Variants in TRIM24 observed in about 807,000 individuals in gnomAD.
TRIM24 encodes transcription intermediary factor 1-alpha.
Under a neutral mutation model 123.9 loss-of-function variants are expected in TRIM24, and 29 were observed. The ratio of observed to expected loss-of-function variants is 0.23; its 90% CI spans 0.17 to 0.32. The LOEUF is 0.32. Among genes scored for constraint, TRIM24 ranks in the 10% least tolerant of loss-of-function variants. The pLI is 1.00. For synonymous variants in TRIM24, 456 were observed against 461.1 expected, an observed-to-expected ratio of 0.99 and a Z score of 0.14; for missense variants, 932 against 1,295.3, an observed-to-expected ratio of 0.72 and a Z score of 4.31.
chr7:138,470,932 C>T (rs557056732), intron 1 of TRIM24, among the ~76,000 whole-genome samples: 1 of 152,234 alleles, frequency 6.6e-6, no homozygotes, highest in East Asian at 1.9e-4. Context: ...TCTTAGAAGT[C>T]TTATTTTCAG....
intron 2 of TRIM24, among the ~76,000 whole-genome samples, chr7:138,514,998 T>G (rs555049882): frequency 6.6e-6 from 1 of 152,314 alleles, no homozygotes; most frequent in Admixed American, 6.5e-5. Context: ...GATGCTGAAT[T>G]AAGGAGAAAA....
rs1210791484 is a variant in TRIM24, at chr7:138,568,006, CAAG to C, written c.1704+357_1704+359del. On this transcript the variant is annotated intron_variant, in intron 10 of 18. Coordinates refer to ENST00000343526, the MANE Select transcript of TRIM24 (RefSeq NM_015905.3). ...CAATAAATGAATCTTTGAAGCGTCT[CAAG>C]AAGATTTCTTGGAAACAAAATTATG... Among the ~76,000 whole-genome samples the C allele has an allele frequency of 1.1e-4, 16 of 152,208 alleles. No individual in the cohort carries two copies. In the East Asian group the frequency reaches 2.7e-3, roughly 26 times the overall value.
intron 16 of TRIM24, among the ~76,000 whole-genome samples, chr7:138,581,193 G>A (rs141685526): frequency 0.011 from 1,605 of 152,282 alleles, 14 homozygotes; most frequent in Non-Finnish European, 0.015. Context: ...TTATTAAGTA[G>A]AACAGTCAAT....
chr7:138,547,177 C>CTTA (rs1554441729), intron 7 of TRIM24, among the ~76,000 whole-genome samples: 1 of 152,084 alleles, frequency 6.6e-6, no homozygotes, highest in Non-Finnish European at 1.5e-5. Context: ...CATGATCTCA[C>CTTA]TTATACGTGG....
intron 1 of TRIM24, among the ~76,000 whole-genome samples, chr7:138,494,082 A>C (rs1461128323): frequency 6.6e-6 from 1 of 151,920 alleles, no homozygotes; most frequent in African/African-American, 2.4e-5. Context: ...CCTGGGTTCA[A>C]GTGATTATCT....
chr7:138,563,761 C>T (rs1797475919), intron 9 of TRIM24, among the ~76,000 whole-genome samples: 1 of 152,226 alleles, frequency 6.6e-6, no homozygotes, highest in South Asian at 2.1e-4. Flanking sequence ...GGCTAGGGCT[C>T]TCATCAGCTC....
At chr7:138,501,816 A>G (rs912389151) in intron 1 of TRIM24, among the ~76,000 whole-genome samples, 10 of 151,672 alleles carry the variant, frequency 6.6e-5, no homozygotes, top group African/African-American at 2.4e-4. Context: ...TGAACCAGGG[A>G]GGCAGAGGTT....
chr7:138,499,119 A>G (rs923668200), intron 1 of TRIM24, among the ~76,000 whole-genome samples: 18 of 151,746 alleles, frequency 1.2e-4, no homozygotes, highest in African/African-American at 4.1e-4. Context: ...CAATTTCTAC[A>G]TTATATTTTC....
chr7:138,507,946 AT>A (rs899558448), intron 2 of TRIM24, among the ~76,000 whole-genome samples: 79 of 151,372 alleles, frequency 5.2e-4, no homozygotes, highest in Middle Eastern at 6.8e-3. Flanking sequence ...AAAAAAAAAA[AT>A]TTTTTTTTAA....
rs1360244617 is a variant in TRIM24, at chr7:138,504,762, T to C, written c.483+354T>C. On this transcript the variant is annotated intron_variant, in intron 2 of 18. Coordinates refer to ENST00000343526, the MANE Select transcript of TRIM24 (RefSeq NM_015905.3). Reference sequence around the variant, plus strand: ...GGCGTGAGCCACCGCACCTGGCCTCTTTTTTTTTTTTTAATTGAGATGGAG... The same window carrying C: ...GGCGTGAGCCACCGCACCTGGCCTCCTTTTTTTTTTTTAATTGAGATGGAG... 2.3e-5 allele frequency among the ~76,000 whole-genome samples: 3 copies of C among 129,184 alleles called. No homozygotes were observed. In the East Asian group the frequency reaches 6.2e-4, roughly 27 times the overall value. 84.7% of individuals were successfully genotyped at this position (129,184 alleles called of 152,430 possible).
intron 2 of TRIM24, among the ~76,000 whole-genome samples, chr7:138,511,162 C>T (rs1488152236): frequency 1.3e-5 from 2 of 152,198 alleles, no homozygotes; most frequent in African/African-American, 4.8e-5. Flanking sequence ...AAGCCTGATG[C>T]TGGCATCTGC....
intron 14 of TRIM24, 49 bp from the exon 15 acceptor site, chr7:138,579,155 G>T: frequency 6.8e-7 from 1 of 1,476,722 alleles, no homozygotes; most frequent in Non-Finnish European, 9.1e-7. Context: ...TTGCATTAGT[G>T]ATAAAATTTT....
In TRIM24 at chr7:138,567,557, A is replaced by G; in HGVS notation, c.1607A>G (p.Gln536Arg). 1 of 1,614,048 alleles carries G rather than the reference A, an allele frequency of 6.2e-7. No individual in the cohort carries two copies. Among genetic ancestry groups the G allele is most frequent in the Non-Finnish European group, 8.5e-7 (1 of 1,179,956 alleles). The change falls in exon 10 of 19, where the codon CAA becomes CGA. Residue 536 changes from glutamine to arginine, a missense_variant. Physicochemically the swap from Gln to Arg is conservative, Grantham distance 43 (BLOSUM62 1). Transcript: ENST00000343526. ...PNGPVLPPHP[Q>R]QLRYPPNQNI... is the part of the protein sequence containing the mutation. ...GGACCAGTTCTTCCTCCTCATCCTC[A>G]ACAACTGAGATATCCACCAAACCAG...
In TRIM24 at chr7:138,579,310, A is replaced by T. The variant is rs759703559; in HGVS notation, c.2363A>T (p.Asp788Val). 2.0e-5 allele frequency: 32 copies of T among 1,614,052 alleles called. No individual in the cohort carries two copies. Among genetic ancestry groups the T allele is most frequent in the Non-Finnish European group, 2.6e-5 (31 of 1,180,014 alleles). The change falls in exon 15 of 19, where the codon GAT becomes GTT. Residue 788 changes from aspartate (D) to valine (V), a missense_variant. By Grantham distance (152) the Asp-to-Val change is radical. Transcript: ENST00000343526. ...LRSDAPDSTG[D>V]QPGLHQDNSS... ...TCAGATGCCCCTGATAGTACAGGAG[A>T]TCAACCTGGACTTCACCAGGACAAT... is the stretch of plus-strand genomic sequence containing the variant.
Position 138,460,373 on chromosome 7 carries a change from G to T in TRIM24, c.-176G>T. 2 of 561,532 alleles carry T rather than the reference G, an allele frequency of 3.6e-6. No homozygotes were observed. The highest frequency in any genetic ancestry group is 5.3e-6 in the Non-Finnish European group (2 of 375,936). The allele number at this position is 561,532 out of a possible 1,614,324, so 34.8% of individuals were successfully genotyped here. Reference sequence around the variant, plus strand: ...TTCCGGCCGCGCCACTCGGGAGGCGGATCCCGTGGGCCTGAGGAGGCTTCC... The same window carrying T: ...TTCCGGCCGCGCCACTCGGGAGGCGTATCCCGTGGGCCTGAGGAGGCTTCC... On this transcript the variant is annotated 5_prime_UTR_variant, in exon 1 of 19. Coordinates refer to ENST00000343526, the MANE Select transcript of TRIM24 (RefSeq NM_015905.3).
At chr7:138,498,143 C>G (rs1033323085) in intron 1 of TRIM24, among the ~76,000 whole-genome samples, 2 of 152,176 alleles carry the variant, frequency 1.3e-5, no homozygotes, top group Non-Finnish European at 2.9e-5. Flanking sequence ...ACTTCAGCCT[C>G]TTGATCCTGT....
At chr7:138,467,649 T>G (rs959633111) in intron 1 of TRIM24, among the ~76,000 whole-genome samples, 1 of 152,194 alleles carries the variant, frequency 6.6e-6, no homozygotes, top group African/African-American at 2.4e-5. Flanking sequence ...GCCATAATGT[T>G]CTTAACAATA....
At chr7:138,570,547 T>C (rs1440436916) in intron 10 of TRIM24, among the ~76,000 whole-genome samples, 2 of 152,130 alleles carry the variant, frequency 1.3e-5, no homozygotes, top group African/African-American at 2.4e-5. Context: ...ACATTTTTTT[T>C]CCAATATGTA....
At chr7:138,530,687 C>T (rs138850506) in intron 6 of TRIM24, among the ~76,000 whole-genome samples, 67 of 151,702 alleles carry the variant, frequency 4.4e-4, no homozygotes, top group African/African-American at 1.4e-3. Flanking sequence ...AGGCTGGTCT[C>T]GAACTACTGG....
Sources: allele counts gnomAD v4.1 joint callset (sites outside exome capture counted in the v4.1 genomes callset), GRCh38; gene constraint gnomAD v4.1.1; transcripts MANE v1.5; gene names NCBI Gene and HGNC (gene_info 2026-07-23, HGNC 2026-07-21).